The following GRIK2 variants were observed in gnomAD, a reference collection of about 807,000 sequenced individuals.
The protein encoded by GRIK2 is glutamate receptor ionotropic, kainate 2.
In GRIK2, 32 loss-of-function variants were observed where a neutral mutation model predicts 100.3. The ratio of observed to expected loss-of-function variants is 0.32; its 90% CI spans 0.24 to 0.43. The LOEUF (loss-of-function observed/expected upper bound fraction) is 0.43, where lower values mean the gene tolerates loss of function less well. Among genes scored for constraint, GRIK2 ranks in the 20% least tolerant of loss-of-function variants. GRIK2 has a pLI of 1.00. For synonymous variants in GRIK2, 417 were observed against 389.4 expected (o/e 1.07, Z -0.83); for missense variants, 843 against 1,114.9 (o/e 0.76, Z 3.47).
intron 14 of GRIK2, among the ~76,000 whole-genome samples, chr6:101,980,628 G>A (rs943441926): frequency 6.6e-6 from 1 of 151,714 alleles, no homozygotes; most frequent in Non-Finnish European, 1.5e-5. Context: ...ACTTTTTAAG[G>A]ATATGATGTG....
chr6:101,495,714 T>G (rs1038996556), intron 2 of GRIK2, among the ~76,000 whole-genome samples: 4 of 152,116 alleles, frequency 2.6e-5, no homozygotes, highest in African/African-American at 9.7e-5. Context: ...TCATGTCAAG[T>G]TATAAAGTTT....
chr6:101,976,655 A>C (rs1793397074), intron 14 of GRIK2, among the ~76,000 whole-genome samples: 1 of 151,892 alleles, frequency 6.6e-6, no homozygotes, highest in African/African-American at 2.4e-5. Flanking sequence ...CCACCACTGC[A>C]CTCCAACCTA....
intron 10 of GRIK2, among the ~76,000 whole-genome samples, chr6:101,827,874 T>C (rs1782440462): frequency 2.6e-5 from 4 of 151,782 alleles, no homozygotes; most frequent in South Asian, 2.1e-4. Flanking sequence ...AGAGAGACGA[T>C]TGAGGCAGAA....
At chr6:101,465,325 G>GTA (rs1771584351) in intron 2 of GRIK2, among the ~76,000 whole-genome samples, 1 of 152,004 alleles carries the variant, frequency 6.6e-6, no homozygotes, top group African/African-American at 2.4e-5. Context: ...TGATGTCCAT[G>GTA]TATATATATC....
At chr6:101,910,839 C>CCACACACACACACG (rs1554284825) in intron 12 of GRIK2, among the ~76,000 whole-genome samples, 1 of 143,266 alleles carries the variant, frequency 7.0e-6, no homozygotes, top group African/African-American at 2.7e-5. Context: ...CCAACATACA[C>CCACACACACACACG]CACACACACA....
intron 7 of GRIK2, among the ~76,000 whole-genome samples, chr6:101,771,495 A>C (rs1429870116): frequency 1.3e-5 from 2 of 150,954 alleles, no homozygotes; most frequent in African/African-American, 4.9e-5. Context: ...CAATTTTTTG[A>C]ATTTTTATTT....
chr6:102,015,602 A>G (rs891122263), intron 14 of GRIK2, among the ~76,000 whole-genome samples: 1 of 152,174 alleles, frequency 6.6e-6, no homozygotes, highest in Admixed American at 6.5e-5. Flanking sequence ...TACAGAGGCC[A>G]GCACCCTGGC....
intron 14 of GRIK2, among the ~76,000 whole-genome samples, chr6:102,021,493 A>T (rs1769421846): frequency 6.6e-6 from 1 of 151,608 alleles, no homozygotes; most frequent in Admixed American, 6.6e-5. Context: ...TATATTTAAT[A>T]CTGTTTTCAC....
At chr6:101,420,387 A>C (rs1776354679) in intron 2 of GRIK2, among the ~76,000 whole-genome samples, 1 of 152,190 alleles carries the variant, frequency 6.6e-6, no homozygotes, top group Non-Finnish European at 1.5e-5. Flanking sequence ...TAACTCATAA[A>C]CATATGAGGT....
chr6:101,735,763 C>T (rs1400723076), intron 7 of GRIK2, among the ~76,000 whole-genome samples: 4 of 152,200 alleles, frequency 2.6e-5, no homozygotes, highest in Non-Finnish European at 4.4e-5. Context: ...CCCCAGGCCC[C>T]TCCTAAATCT....
intron 11 of GRIK2, among the ~76,000 whole-genome samples, chr6:101,883,271 A>G (rs1786384683): frequency 6.8e-6 from 1 of 147,328 alleles, no homozygotes. Flanking sequence ...TACAAACCTC[A>G]AGAGTATTCT....
intron 2 of GRIK2, among the ~76,000 whole-genome samples, chr6:101,592,588 CATAT>C (rs3056161): frequency 0.11 from 11,250 of 101,716 alleles, 660 homozygotes; most frequent in Middle Eastern, 0.25. Flanking sequence ...ACTAATATCA[CATAT>C]ATATATATAT....
intron 7 of GRIK2, among the ~76,000 whole-genome samples, chr6:101,791,412 T>C (rs1010278506): frequency 2.0e-5 from 3 of 152,210 alleles, no homozygotes; most frequent in African/African-American, 7.2e-5. Flanking sequence ...GTTGTGTTTT[T>C]GTTCTCATTG....
chr6:101,951,661 T>C (rs1791613787), intron 14 of GRIK2, among the ~76,000 whole-genome samples: 1 of 152,176 alleles, frequency 6.6e-6, no homozygotes, highest in Non-Finnish European at 1.5e-5. Flanking sequence ...TTGAATCATG[T>C]GGGCAGATTT....
intron 14 of GRIK2, among the ~76,000 whole-genome samples, chr6:101,988,132 T>TGTGCGC (rs1231517176): frequency 1.7e-4 from 5 of 29,544 alleles, no homozygotes; most frequent in Non-Finnish European, 3.8e-4. Context: ...TGTGTGTGTG[T>TGTGCGC]GCGCGCGCGC....
intron 11 of GRIK2, among the ~76,000 whole-genome samples, chr6:101,859,877 GT>G (rs959771144): frequency 6.6e-6 from 1 of 152,110 alleles, no homozygotes; most frequent in Non-Finnish European, 1.5e-5. Context: ...TGACCTATGA[GT>G]TTTTAAAGTA....
chr6:101,975,084 G>A (rs557352238), intron 14 of GRIK2, among the ~76,000 whole-genome samples: 2 of 152,058 alleles, frequency 1.3e-5, no homozygotes, highest in Admixed American at 6.6e-5. Flanking sequence ...AAAGGAAGGA[G>A]TCAAGGATGA....
intron 2 of GRIK2, among the ~76,000 whole-genome samples, chr6:101,557,647 C>T (rs1356833269): frequency 6.6e-6 from 1 of 152,122 alleles, no homozygotes; most frequent in Non-Finnish European, 1.5e-5. Flanking sequence ...AACATACGCA[C>T]CCCTTATTCA....
chr6:101,557,266 C>T (rs1411176723), intron 2 of GRIK2, among the ~76,000 whole-genome samples: 3 of 152,106 alleles, frequency 2.0e-5, no homozygotes, highest in Admixed American at 1.3e-4. Context: ...ACGAAAATAA[C>T]AGGTGATAAA....
Sources: allele counts gnomAD v4.1 joint callset (sites outside exome capture counted in the v4.1 genomes callset), GRCh38; gene constraint gnomAD v4.1.1; transcripts MANE v1.5; gene names NCBI Gene and HGNC (gene_info 2026-07-23, HGNC 2026-07-21).